RAPGEF4: variants seen among roughly 807,000 people sequenced by gnomAD.
RAPGEF4 encodes the protein Rap guanine nucleotide exchange factor 4.
A neutral mutation model predicts 147.9 loss-of-function variants in RAPGEF4; 66 were observed. The observed-to-expected ratio is 0.45, with a 90% confidence interval of 0.37 to 0.55. RAPGEF4 has a LOEUF of 0.55. Among genes scored for constraint, RAPGEF4 ranks in the 20% least tolerant of loss-of-function variants. RAPGEF4 has a pLI of 0.00. For synonymous variants in RAPGEF4, 419 were observed against 442.7 expected (o/e 0.95, Z 0.67); for missense variants, 1,071 against 1,257.3 (o/e 0.85, Z 2.24).
At chr2:172,772,818 T>C (rs946049755) in intron 1 of RAPGEF4, among the ~76,000 whole-genome samples, 1 of 152,166 alleles carries the variant, frequency 6.6e-6, no homozygotes, top group Non-Finnish European at 1.5e-5. Context: ...AAGACAGAAG[T>C]TTATTTCCTT....
At chr2:172,922,145 A>T (rs1448638621) in intron 5 of RAPGEF4, 136 bp from the exon 6 acceptor site, 1 of 803,174 alleles carries the variant, frequency 1.2e-6, no homozygotes, top group Non-Finnish European at 2.2e-6. Flanking sequence ...TCTAAGCAGC[A>T]TTATGTAAGT....
In RAPGEF4 at chr2:173,048,641, G is replaced by T; in HGVS notation, c.2895G>T (p.Arg965Ser). The change falls in exon 30 of 31, where the codon AGG becomes AGT. Residue 965 changes from arginine (R) to serine (S), a missense_variant. Arg to Ser is a moderately radical substitution (Grantham distance 110). Transcript: ENST00000397081. Reference protein sequence around the residue: ...ANTARTVRYYRSQPFNPDAAQ... With the variant: ...ANTARTVRYYSSQPFNPDAAQ... ...CGGCCAGAACAGTGAGATACTACAGGAGCCAACCCTTCAGTAAGTTAAGTG... is the reference window on the plus strand; with the variant it reads ...CGGCCAGAACAGTGAGATACTACAGTAGCCAACCCTTCAGTAAGTTAAGTG... 1 of 1,614,074 alleles carries T rather than the reference G, an allele frequency of 6.2e-7. No homozygotes were observed. Among genetic ancestry groups the T allele is most frequent in the Non-Finnish European group, 8.5e-7 (1 of 1,180,010 alleles).
intron 12 of RAPGEF4, among the ~76,000 whole-genome samples, chr2:172,987,683 A>G (rs1046393648): frequency 2.6e-5 from 4 of 152,260 alleles, no homozygotes; most frequent in African/African-American, 9.6e-5. Context: ...AGCTGTGTGT[A>G]GACTATATGC....
At chr2:172,762,902 A>G (rs958719804) in intron 1 of RAPGEF4, among the ~76,000 whole-genome samples, 1 of 152,226 alleles carries the variant, frequency 6.6e-6, no homozygotes, top group African/African-American at 2.4e-5. Context: ...GGGATACACA[A>G]TGAGATAATA....
chr2:173,036,247 A>G (rs1038219238), intron 28 of RAPGEF4, 35 bp downstream of exon 28: 12 of 1,479,202 alleles, frequency 8.1e-6, no homozygotes, highest in Admixed American at 1.7e-5. Context: ...CAAGCAGGTG[A>G]TGAGTATTTG....
At chr2:172,751,902 T>C (rs76917236) in intron 1 of RAPGEF4, among the ~76,000 whole-genome samples, 2,115 of 152,304 alleles carry the variant, frequency 0.014, 49 homozygotes, top group African/African-American at 0.048. Context: ...CACAAAACAA[T>C]GAAAGGGATA....
At chr2:172,800,920 A>G (rs770213177) in intron 3 of RAPGEF4, among the ~76,000 whole-genome samples, 1 of 152,178 alleles carries the variant, frequency 6.6e-6, no homozygotes, top group Non-Finnish European at 1.5e-5. Context: ...ATAGACCCCA[A>G]TGAGGAGGGA....
chr2:172,754,429 G>A (rs1042685585), intron 1 of RAPGEF4, among the ~76,000 whole-genome samples: 2 of 152,118 alleles, frequency 1.3e-5, no homozygotes, highest in East Asian at 3.9e-4. Flanking sequence ...CCTTAGGATG[G>A]AGAGATATCT....
At chr2:172,941,337 A>T (rs1333066590) in intron 6 of RAPGEF4, among the ~76,000 whole-genome samples, 1 of 152,146 alleles carries the variant, frequency 6.6e-6, no homozygotes, top group African/African-American at 2.4e-5. Context: ...ATTATTTGTA[A>T]TGGTGGCAAA....
rs554074125 is a variant in RAPGEF4, at chr2:172,997,638, G to A, written c.1579+1084G>A. 3.3e-5 allele frequency among the ~76,000 whole-genome samples: 5 copies of A among 151,972 alleles called. No homozygotes were observed. The South Asian group carries it at 6.2e-4, about 19-fold the overall frequency. On this transcript the variant is annotated intron_variant, in intron 16 of 30. Transcript: ENST00000397081. ...TATATGACTTTGCAACAGCCCACAC[G>A]CAACGTGTTTTTTTTTTAATCCTAT...
chr2:172,759,849 A>G (rs1358945434), intron 1 of RAPGEF4, among the ~76,000 whole-genome samples: 3 of 152,222 alleles, frequency 2.0e-5, no homozygotes, highest in Non-Finnish European at 4.4e-5. Context: ...CCTCCTACTA[A>G]GTACAATTCT....
At chr2:172,748,293 T>G (rs909451048) in intron 1 of RAPGEF4, among the ~76,000 whole-genome samples, 16 of 152,180 alleles carry the variant, frequency 1.1e-4, no homozygotes, top group African/African-American at 2.4e-5. Context: ...TTAGTCTGTT[T>G]TCATGCTGCT....
intron 1 of RAPGEF4, among the ~76,000 whole-genome samples, chr2:172,750,191 A>G (rs1280880302): frequency 6.6e-6 from 1 of 152,032 alleles, no homozygotes; most frequent in African/African-American, 2.4e-5. Context: ...CTATCTTTTC[A>G]GCAGCACCCC....
intron 3 of RAPGEF4, among the ~76,000 whole-genome samples, chr2:172,810,107 A>G (rs1574911658): frequency 6.6e-6 from 1 of 152,228 alleles, no homozygotes; most frequent in African/African-American, 2.4e-5. Context: ...AGAGGTACTT[A>G]TACTTACTAG....
intron 17 of RAPGEF4, among the ~76,000 whole-genome samples, chr2:173,010,756 A>G (rs1694924658): frequency 6.6e-6 from 1 of 152,226 alleles, no homozygotes; most frequent in Non-Finnish European, 1.5e-5. Flanking sequence ...TAACCATTTC[A>G]GGTATAATCA....
intron 1 of RAPGEF4, among the ~76,000 whole-genome samples, chr2:172,775,704 A>C (rs973640062): frequency 6.6e-6 from 1 of 151,500 alleles, no homozygotes; most frequent in Non-Finnish European, 1.5e-5. Flanking sequence ...GGGTATGACA[A>C]AAGGTCAAAC....
At chr2:172,760,645 G>T (rs1696219197) in intron 1 of RAPGEF4, among the ~76,000 whole-genome samples, 1 of 151,792 alleles carries the variant, frequency 6.6e-6, no homozygotes, top group African/African-American at 2.4e-5. Flanking sequence ...ATGAACCCGG[G>T]AGGCGGAGCT....
chr2:173,045,287 A>ATGATTC (rs1685319221), intron 29 of RAPGEF4, among the ~76,000 whole-genome samples: 1 of 152,228 alleles, frequency 6.6e-6, no homozygotes, highest in African/African-American at 2.4e-5. Context: ...TGAATACTTC[A>ATGATTC]ACAGATGTCA....
At chr2:172,946,776 G>A (rs1029745531) in intron 6 of RAPGEF4, among the ~76,000 whole-genome samples, 4 of 152,178 alleles carry the variant, frequency 2.6e-5, no homozygotes, top group African/African-American at 2.4e-5. Flanking sequence ...CGGTTCCACC[G>A]GATGTGCCTT....
Sources: allele counts gnomAD v4.1 joint callset (sites outside exome capture counted in the v4.1 genomes callset), GRCh38; gene constraint gnomAD v4.1.1; transcripts MANE v1.5; gene names NCBI Gene and HGNC (gene_info 2026-07-23, HGNC 2026-07-21).